FLT1: variants seen among roughly 807,000 people sequenced by gnomAD.
The protein encoded by FLT1 is vascular endothelial growth factor receptor 1.
FLT1 carries 49 observed loss-of-function variants against 156.3 expected under a neutral mutation model. The ratio of observed to expected loss-of-function variants is 0.31; its 90% CI spans 0.25 to 0.40. FLT1 has a LOEUF of 0.40. Ranked by LOEUF, FLT1 falls within the 10% of genes least tolerant of loss-of-function variation. The pLI is 1.00. For missense variants in FLT1, 1,322 were observed against 1,637.2 expected, an observed-to-expected ratio of 0.81 and a Z score of 3.32; for synonymous variants, 594 against 583.8, an observed-to-expected ratio of 1.02 and a Z score of -0.25.
intron 10 of FLT1, among the ~76,000 whole-genome samples, chr13:28,418,941 G>A (rs1181018596): frequency 6.6e-6 from 1 of 152,082 alleles, no homozygotes; most frequent in African/African-American, 2.4e-5. Flanking sequence ...TTACTTATGG[G>A]AAAATAGGGC....
Position 28,307,631 on chromosome 13 carries a change from G to A in FLT1, c.3721-859C>T, listed in dbSNP as rs545062630. ...ATATTTCCCTTTATCTGGTGTGTCT[G>A]ACAAGGTTGTGGTTTTTCGTTTTTG... On this transcript the variant is annotated intron_variant, in intron 28 of 29. Coordinates refer to ENST00000282397, the MANE Select transcript of FLT1 (RefSeq NM_002019.4). Among the ~76,000 whole-genome samples, 7 of 146,974 alleles carry A rather than the reference G, an allele frequency of 4.8e-5. No homozygotes were observed. In the Admixed American group the frequency reaches 4.9e-4, roughly 10 times the overall value.
At chr13:28,491,563 C>T (rs1017134781) in intron 1 of FLT1, among the ~76,000 whole-genome samples, 3 of 152,198 alleles carry the variant, frequency 2.0e-5, no homozygotes, top group Non-Finnish European at 2.9e-5. Flanking sequence ...TCTTCCAAAA[C>T]AGCCTATTCA....
At chr13:28,443,769 T>C (rs972719357) in intron 3 of FLT1, among the ~76,000 whole-genome samples, 2 of 152,212 alleles carry the variant, frequency 1.3e-5, no homozygotes, top group South Asian at 2.1e-4. Flanking sequence ...ATGTACTGAT[T>C]GGTAAAATAT....
At chr13:28,369,408 C>T (rs751940548) in intron 14 of FLT1, among the ~76,000 whole-genome samples, 2 of 152,012 alleles carry the variant, frequency 1.3e-5, no homozygotes, top group Non-Finnish European at 2.9e-5. Flanking sequence ...ACCTGTAATC[C>T]CAGCTACTCA....
intron 14 of FLT1, among the ~76,000 whole-genome samples, chr13:28,372,471 T>A (rs1254718528): frequency 2.7e-5 from 4 of 150,514 alleles, no homozygotes; most frequent in African/African-American, 9.8e-5. Context: ...ATCAAACAGT[T>A]AATATGTATT....
intron 15 of FLT1, among the ~76,000 whole-genome samples, chr13:28,351,423 A>T (rs1274281650): frequency 2.0e-5 from 3 of 152,204 alleles, no homozygotes; most frequent in Non-Finnish European, 4.4e-5. Context: ...GACTCTCAAG[A>T]TCCCCGAGCA....
At chr13:28,385,671 G>T (rs750463593) in intron 13 of FLT1, 49 of 995,790 alleles carry the variant, frequency 4.9e-5, no homozygotes, top group Non-Finnish European at 5.8e-5. Flanking sequence ...CTATATAATA[G>T]TACAAATATT....
At chr13:28,424,094 G>A (rs550364194) in intron 10 of FLT1, among the ~76,000 whole-genome samples, 60 of 151,792 alleles carry the variant, frequency 4.0e-4, no homozygotes, top group African/African-American at 1.4e-3. Context: ...GCCTGCCACC[G>A]CTCCTGGCTA....
At chr13:28,336,885 C>A (rs137879983) in intron 17 of FLT1, among the ~76,000 whole-genome samples, 1 of 151,686 alleles carries the variant, frequency 6.6e-6, no homozygotes, top group Non-Finnish European at 1.5e-5. Flanking sequence ...GTAGCTGGGA[C>A]TACAGGCACG....
At chr13:28,372,074 ATATTTTT>A (rs1451112821) in intron 14 of FLT1, among the ~76,000 whole-genome samples, 66 of 14,104 alleles carry the variant, frequency 4.7e-3, no homozygotes, top group African/African-American at 0.013. Flanking sequence ...ATATATATAT[ATATTTTT>A]TTTTTTTTTT....
rs528274440 is a variant in FLT1, at chr13:28,387,942, C to T, written c.1969+1854G>A. ...AAATACTAACATCCTCCCCTCCCCA[C>T]AAAAATTGCAAACAGGGGAAGGAAA... is the stretch of plus-strand genomic sequence containing the variant. On this transcript the variant is annotated intron_variant, in intron 13 of 29. Transcript: ENST00000282397. The T allele has an allele frequency of 9.6e-5, 102 of 1,061,304 alleles. No individual in the cohort carries two copies. In the Admixed American group the frequency reaches 1.0e-3, roughly 11 times the overall value. 65.7% of individuals were successfully genotyped at this position (1,061,304 alleles called of 1,614,324 possible).
At chr13:28,359,161 A>G (rs745774479) in intron 14 of FLT1, among the ~76,000 whole-genome samples, 1 of 152,268 alleles carries the variant, frequency 6.6e-6, no homozygotes, top group Non-Finnish European at 1.5e-5. Context: ...ATGATAATCA[A>G]AACAGCATGG....
rs546498344 is a variant in FLT1 at position 28,394,900 on chromosome 13, G to A, written c.1660+2060C>T. Among the ~76,000 whole-genome samples, 4 of 152,286 alleles carry A rather than the reference G, an allele frequency of 2.6e-5. No individual in the cohort carries two copies. The South Asian group carries it at 8.3e-4, about 32-fold the overall frequency. ...CCTCCTGAGATCAGACTGCTTGTCAGTATTCACACCTTTGGGTCTGTCCAG... is the reference window on the plus strand; with the variant it reads ...CCTCCTGAGATCAGACTGCTTGTCAATATTCACACCTTTGGGTCTGTCCAG... On this transcript the variant is annotated intron_variant, in intron 12 of 29. Transcript: ENST00000282397.
intron 11 of FLT1, among the ~76,000 whole-genome samples, chr13:28,399,706 A>T (rs547322457): frequency 1.3e-5 from 2 of 152,212 alleles, no homozygotes; most frequent in South Asian, 4.1e-4. Context: ...AATGTATTGA[A>T]TTTTTCTTCT....
chr13:28,490,761 TA>T (rs1408782424), intron 1 of FLT1, among the ~76,000 whole-genome samples: 1 of 151,954 alleles, frequency 6.6e-6, no homozygotes, highest in Non-Finnish European at 1.5e-5. Context: ...TATTTTTACT[TA>T]AAAAAAAGTC....
rs1870502754 is a variant in FLT1, at chr13:28,301,211, T to C, written c.*1956A>G. ...AGTAGAGAATTGACTGAGGTCTTCT[T>C]TTTTCTGTGTTTAACCTCCTTCCAG... is the stretch of plus-strand genomic sequence containing the variant. On this transcript the variant is annotated 3_prime_UTR_variant, in exon 30 of 30. Transcript: ENST00000282397. 1 of 233,046 alleles carries C rather than the reference T, an allele frequency of 4.3e-6. No homozygotes were observed. Among genetic ancestry groups the C allele is most frequent in the South Asian group, 1.8e-4 (1 of 5,530 alleles). The allele number at this position is 233,046 out of a possible 1,614,324, so 14.4% of individuals were successfully genotyped here.
At chr13:28,338,609 C>T (rs1335298212) in intron 17 of FLT1, among the ~76,000 whole-genome samples, 1 of 152,140 alleles carries the variant, frequency 6.6e-6, no homozygotes, top group Non-Finnish European at 1.5e-5. Flanking sequence ...GCTTTCTACT[C>T]GGTCTGGACA....
intron 16 of FLT1, among the ~76,000 whole-genome samples, chr13:28,340,469 G>C (rs1422676840): frequency 6.6e-6 from 1 of 152,098 alleles, no homozygotes; most frequent in Non-Finnish European, 1.5e-5. Flanking sequence ...CCTGTTAATG[G>C]GCAAATTTCT....
intron 24 of FLT1, among the ~76,000 whole-genome samples, chr13:28,317,875 G>A (rs1250527510): frequency 1.3e-5 from 2 of 152,206 alleles, no homozygotes; most frequent in East Asian, 1.9e-4. Flanking sequence ...GTCAGAGGAA[G>A]GGGTGTCGTC....
Sources: allele counts gnomAD v4.1 joint callset (sites outside exome capture counted in the v4.1 genomes callset), GRCh38; gene constraint gnomAD v4.1.1; transcripts MANE v1.5; gene names NCBI Gene and HGNC (gene_info 2026-07-23, HGNC 2026-07-21).